Variants in SLC8A3 observed in about 807,000 individuals in gnomAD.
SLC8A3 encodes the protein solute carrier family 8 member A3, also known as sodium/calcium exchanger 3.
Under a neutral mutation model 65.4 loss-of-function variants are expected in SLC8A3, and 37 were observed. That is an observed-to-expected ratio of 0.57 (90% CI 0.44 to 0.74). The LOEUF (loss-of-function observed/expected upper bound fraction) is 0.74. Among genes scored for constraint, SLC8A3 ranks in the 30% least tolerant of loss-of-function variants. The probability of loss-of-function intolerance (pLI) is 0.00; values close to 1 mark genes in which losing one functional copy is unlikely to be tolerated. For synonymous variants in SLC8A3, 461 were observed against 444.5 expected, an observed-to-expected ratio of 1.04 and a Z score of -0.47; for missense variants, 1,112 against 1,172.1, an observed-to-expected ratio of 0.95 and a Z score of 0.75.
chr14:70,185,394 C>T lies in SLC8A3; in HGVS notation c.-63+2985G>A, dbSNP rs1883116319. 2.0e-5 allele frequency among the ~76,000 whole-genome samples: 3 copies of T among 152,194 alleles called. 1 individual carries two copies. The South Asian group carries it at 6.2e-4, about 31-fold the overall frequency. ...TGGGGAACATGCCTACTATCAGTGCCCATAAGTAATATCAACAACTGTGCC... is the reference window on the plus strand; with the variant it reads ...TGGGGAACATGCCTACTATCAGTGCTCATAAGTAATATCAACAACTGTGCC... On this transcript the variant is annotated intron_variant, in intron 1 of 6. Coordinates refer to ENST00000356921, the MANE Select transcript of SLC8A3 (RefSeq NM_182932.3).
intron 1 of SLC8A3, among the ~76,000 whole-genome samples, chr14:70,181,056 C>T (rs569655850): frequency 1.3e-5 from 2 of 152,300 alleles, no homozygotes; most frequent in Non-Finnish European, 2.9e-5. Flanking sequence ...AAACAAGACT[C>T]ACAGAATACA....
intron 2 of SLC8A3, among the ~76,000 whole-genome samples, chr14:70,094,253 G>A (rs1892001339): frequency 6.6e-6 from 1 of 152,190 alleles, no homozygotes; most frequent in East Asian, 1.9e-4. Context: ...CCTACCTGTG[G>A]GAACTAGCAC....
At chr14:70,150,501 C>T (rs1369271773) in intron 2 of SLC8A3, among the ~76,000 whole-genome samples, 1 of 152,130 alleles carries the variant, frequency 6.6e-6, no homozygotes, top group Non-Finnish European at 1.5e-5. Flanking sequence ...TTGAACTCAT[C>T]AAGACAGTGA....
At chr14:70,188,028 A>T (rs900000224) in intron 1 of SLC8A3, among the ~76,000 whole-genome samples, 1 of 152,022 alleles carries the variant, frequency 6.6e-6, no homozygotes, top group Non-Finnish European at 1.5e-5. Flanking sequence ...CTCCCCAAAC[A>T]GCACCCGCTA....
Position 70,185,993 on chromosome 14 carries a change from C to T in SLC8A3, c.-63+2386G>A, listed in dbSNP as rs1468071475. On this transcript the variant is annotated intron_variant, in intron 1 of 6. Coordinates refer to ENST00000356921, the MANE Select transcript of SLC8A3 (RefSeq NM_182932.3). ...TTCTTTTGGAGTCCAATGGACTCCA[C>T]GGCCAAATATGGCTTGGCTGTGTCC... is the stretch of plus-strand genomic sequence containing the variant. 7.2e-5 allele frequency among the ~76,000 whole-genome samples: 11 copies of T among 152,150 alleles called. No homozygotes were observed. The East Asian group carries it at 7.7e-4, about 11-fold the overall frequency.
Position 70,135,831 on chromosome 14 carries a change from T to G in SLC8A3, c.1784+30808A>C, listed in dbSNP as rs1895161847. On this transcript the variant is annotated intron_variant, in intron 2 of 6. Transcript: ENST00000356921. ...CAACAGAAGGAATAAGTTCTAGTAT[T>G]CGATAGTACAGCAGGGAAATTATAG... 6.6e-5 allele frequency among the ~76,000 whole-genome samples: 10 copies of G among 152,298 alleles called. No homozygotes were observed. In the South Asian group the frequency reaches 2.1e-3, roughly 32 times the overall value.
chr14:70,179,686 C>G (rs1392354457), intron 1 of SLC8A3, among the ~76,000 whole-genome samples: 1 of 152,224 alleles, frequency 6.6e-6, no homozygotes, highest in Non-Finnish European at 1.5e-5. Flanking sequence ...TTAGTCCTCT[C>G]ATTAGCACCT....
chr14:70,115,832 C>T (rs760405170), intron 2 of SLC8A3, among the ~76,000 whole-genome samples: 2 of 152,140 alleles, frequency 1.3e-5, no homozygotes, highest in Non-Finnish European at 2.9e-5. Context: ...ATGAAAGGGT[C>T]CAACCAGATG....
chr14:70,133,406 A>C (rs1429810773), intron 2 of SLC8A3, among the ~76,000 whole-genome samples: 1 of 152,194 alleles, frequency 6.6e-6, no homozygotes, highest in Non-Finnish European at 1.5e-5. Context: ...ACTGTCACCC[A>C]GAAAAAACTG....
At chr14:70,106,734 T>A (rs1407891879) in intron 2 of SLC8A3, among the ~76,000 whole-genome samples, 1 of 152,160 alleles carries the variant, frequency 6.6e-6, no homozygotes, top group African/African-American at 2.4e-5. Flanking sequence ...ATTCTTTATT[T>A]CATACCCTTT....
At chr14:70,134,790 T>C (rs1023488583) in intron 2 of SLC8A3, among the ~76,000 whole-genome samples, 1 of 152,178 alleles carries the variant, frequency 6.6e-6, no homozygotes, top group Non-Finnish European at 1.5e-5. Context: ...ACTCAGAACT[T>C]GCAAGTAGAA....
intron 2 of SLC8A3, among the ~76,000 whole-genome samples, chr14:70,082,608 T>A (rs1891132348): frequency 6.6e-6 from 1 of 152,212 alleles, no homozygotes; most frequent in Non-Finnish European, 1.5e-5. Context: ...ATTTCTAGTT[T>A]GTAGCTACCA....
At chr14:70,148,430 CT>C (rs1275165154) in intron 2 of SLC8A3, among the ~76,000 whole-genome samples, 1 of 152,044 alleles carries the variant, frequency 6.6e-6, no homozygotes, top group Non-Finnish European at 1.5e-5. Context: ...GAAGAGGGTA[CT>C]TTTTTCTTTT....
At chr14:70,170,843 C>A (rs1056217423) in intron 1 of SLC8A3, among the ~76,000 whole-genome samples, 10 of 152,252 alleles carry the variant, frequency 6.6e-5, no homozygotes, top group African/African-American at 2.2e-4. Flanking sequence ...AGTCCAGGTG[C>A]TGGGGGCATC....
chr14:70,046,208 G>A lies in SLC8A3; in HGVS notation c.2505C>T (p.Ser835=), dbSNP rs1194805441. Residue 835 remains serine (S), a synonymous_variant, in exon 7 of 7, where the codon TCC becomes TCT. Coordinates refer to ENST00000356921, the MANE Select transcript of SLC8A3 (RefSeq NM_182932.3). The surrounding 1 kb of genome is among the most constrained non-coding windows in gnomAD (Gnocchi z 4.2). ...NVFLGIGLAW[S]VAAIYWALQG... ...GCAGAGCCCAGTAGATGGCGGCCAC[G>A]GACCAGGCCAGGCCGATGCCCAGGA... 5.0e-6 allele frequency: 8 copies of A among 1,614,090 alleles called. No homozygotes were observed. Among genetic ancestry groups the A allele is most frequent in the African/African-American group, 1.3e-5 (1 of 74,940 alleles).
chr14:70,113,048 G>A (rs934410786), intron 2 of SLC8A3, among the ~76,000 whole-genome samples: 3 of 11,900 alleles, frequency 2.5e-4, no homozygotes, highest in Non-Finnish European at 4.7e-4. Flanking sequence ...TGGGGTCCAC[G>A]ATTCAACTAA....
intron 2 of SLC8A3, among the ~76,000 whole-genome samples, chr14:70,097,875 G>C (rs1892293762): frequency 6.6e-6 from 1 of 152,144 alleles, no homozygotes; most frequent in South Asian, 2.1e-4. Context: ...GGTGCACTTG[G>C]CATCAGATTC....
At chr14:70,136,938 C>T (rs933778726) in intron 2 of SLC8A3, among the ~76,000 whole-genome samples, 5 of 152,152 alleles carry the variant, frequency 3.3e-5, no homozygotes, top group African/African-American at 9.7e-5. Context: ...ACTTTTAAGG[C>T]CCATCCTGTT....
chr14:70,098,367 G>T (rs928508333), intron 2 of SLC8A3, among the ~76,000 whole-genome samples: 4 of 151,816 alleles, frequency 2.6e-5, no homozygotes, highest in Admixed American at 1.3e-4. Context: ...ATCTCATTAC[G>T]CAACTGCATG....
Sources: allele counts gnomAD v4.1 joint callset (sites outside exome capture counted in the v4.1 genomes callset), GRCh38; gene constraint gnomAD v4.1.1; non-coding constraint Gnocchi (gnomAD v3.1); transcripts MANE v1.5; gene names NCBI Gene and HGNC (gene_info 2026-07-23, HGNC 2026-07-21).